Variants in GALNT17 observed in about 807,000 individuals in gnomAD.
GALNT17 encodes the protein UDP-GalNAc:polypeptide N-acetylgalactosaminyltransferase-like 3.
Under a neutral mutation model 63.7 loss-of-function variants are expected in GALNT17, and 29 were observed. That is an observed-to-expected ratio of 0.46 (90% CI 0.34 to 0.62). The LOEUF (loss-of-function observed/expected upper bound fraction) is 0.62. Among genes scored for constraint, GALNT17 ranks in the 20% least tolerant of loss-of-function variants. The pLI is 0.01. For synonymous variants in GALNT17, 305 were observed against 318.3 expected, an observed-to-expected ratio of 0.96 and a Z score of 0.45; for missense variants, 603 against 799.6, an observed-to-expected ratio of 0.75 and a Z score of 2.97.
intron 1 of GALNT17, among the ~76,000 whole-genome samples, chr7:71,178,798 G>T (rs1233261744): frequency 1.3e-5 from 2 of 152,038 alleles, no homozygotes; most frequent in Non-Finnish European, 2.9e-5. Flanking sequence ...ATTCTTGGAC[G>T]TATGTATAAT....
intron 6 of GALNT17, 24 bp downstream of exon 6, chr7:71,571,426 T>C: frequency 6.3e-7 from 1 of 1,592,250 alleles, no homozygotes; most frequent in Non-Finnish European, 8.6e-7. Context: ...TGTCCCTTCC[T>C]CTTGGTGTGC....
intron 6 of GALNT17, among the ~76,000 whole-genome samples, chr7:71,656,657 G>A (rs1443148443): frequency 6.6e-6 from 1 of 152,064 alleles, no homozygotes; most frequent in Non-Finnish European, 1.5e-5. Flanking sequence ...AAGGTGATGA[G>A]GGAGGAGAAA....
chr7:71,364,628 AACCC>A (rs1407652745), intron 2 of GALNT17, among the ~76,000 whole-genome samples: 6 of 152,138 alleles, frequency 3.9e-5, no homozygotes, highest in Non-Finnish European at 8.8e-5. Context: ...GCAATTTTTA[AACCC>A]AGGCATGGAG....
rs527581158 is a variant in GALNT17, at chr7:71,204,398, C to A, written c.238+71358C>A. ...TATTTGAGTCTTTAGTGCTTCTATG[C>A]AAGTTTTAGGATCAATTTTTCTTTT... On this transcript the variant is annotated intron_variant, in intron 1 of 10. Coordinates refer to ENST00000333538, the MANE Select transcript of GALNT17 (RefSeq NM_022479.3). 6.6e-5 allele frequency among the ~76,000 whole-genome samples: 10 copies of A among 152,164 alleles called. No homozygotes were observed. The South Asian group carries it at 2.1e-3, about 32-fold the overall frequency.
intron 1 of GALNT17, among the ~76,000 whole-genome samples, chr7:71,188,773 C>CTCTTCGATTCCATTCGATAATTCCG (rs1455440914): frequency 2.6e-5 from 4 of 152,104 alleles, no homozygotes; most frequent in African/African-American, 9.7e-5. Context: ...ATTGCATTTG[C>CTCTTCGATTCCATTCGATAATTCCG]TTTTGGGTTC....
intron 2 of GALNT17, among the ~76,000 whole-genome samples, chr7:71,341,261 T>C (rs1385574368): frequency 6.6e-6 from 1 of 151,334 alleles, no homozygotes; most frequent in African/African-American, 2.4e-5. Flanking sequence ...TTCTAAAAAG[T>C]AGAAAAAAAG....
chr7:71,558,647 TA>T (rs1308581360), intron 5 of GALNT17, among the ~76,000 whole-genome samples: 1 of 152,210 alleles, frequency 6.6e-6, no homozygotes, highest in Non-Finnish European at 1.5e-5. Flanking sequence ...GACAACAGCT[TA>T]ATGTGTCACC....
intron 9 of GALNT17, among the ~76,000 whole-genome samples, chr7:71,698,085 T>A (rs1376339344): frequency 7.2e-6 from 1 of 138,020 alleles, no homozygotes; most frequent in Non-Finnish European, 1.5e-5. Context: ...ATCACGCCAC[T>A]GCACTCCAGC....
At chr7:71,195,667 C>T (rs1789035074) in intron 1 of GALNT17, among the ~76,000 whole-genome samples, 1 of 147,914 alleles carries the variant, frequency 6.8e-6, no homozygotes, top group African/African-American at 2.5e-5. Context: ...CTCTCCTCAG[C>T]CTCCTAAGTA....
chr7:71,248,925 T>G (rs867831048), intron 1 of GALNT17, among the ~76,000 whole-genome samples: 3 of 152,176 alleles, frequency 2.0e-5, no homozygotes, highest in Admixed American at 2.0e-4. Context: ...TACCATCTTC[T>G]TGCCTCTTCT....
intron 2 of GALNT17, among the ~76,000 whole-genome samples, chr7:71,336,363 T>C (rs544063960): frequency 1.4e-4 from 21 of 152,188 alleles, no homozygotes; most frequent in African/African-American, 5.1e-4. Flanking sequence ...TCTTTTAATG[T>C]TTATTTTATG....
intron 9 of GALNT17, among the ~76,000 whole-genome samples, chr7:71,681,868 A>G (rs1791267252): frequency 6.6e-6 from 1 of 152,020 alleles, no homozygotes; most frequent in Non-Finnish European, 1.5e-5. Flanking sequence ...AAGCAGTTAC[A>G]TTTTGCTTTG....
chr7:71,658,220 T>C (rs1790858371), intron 6 of GALNT17, among the ~76,000 whole-genome samples: 1 of 152,110 alleles, frequency 6.6e-6, no homozygotes, highest in South Asian at 2.1e-4. Flanking sequence ...TGAAAGTGTT[T>C]AGTAAATGAT....
chr7:71,574,005 G>T (rs1481213740), intron 6 of GALNT17, among the ~76,000 whole-genome samples: 2 of 152,172 alleles, frequency 1.3e-5, no homozygotes, highest in Non-Finnish European at 2.9e-5. Context: ...TCTTCTTACA[G>T]CTGTGCAGTA....
chr7:71,412,605 C>G (rs1793450427), intron 3 of GALNT17, among the ~76,000 whole-genome samples: 1 of 152,128 alleles, frequency 6.6e-6, no homozygotes, highest in Non-Finnish European at 1.5e-5. Context: ...CACTCAGTGC[C>G]TGACACCTCT....
Position 71,651,220 on chromosome 7 carries a change from C to CAAAA in GALNT17, c.1081-14173_1081-14170dup, listed in dbSNP as rs71089971. Among the ~76,000 whole-genome samples, 348 of 66,370 alleles carry CAAAA rather than the reference C, an allele frequency of 5.2e-3. 1 individual carries two copies. The highest frequency in any genetic ancestry group is 0.012 in the East Asian group (22 of 1,832). The allele number at this position is 66,370 out of a possible 152,430, so 43.5% of individuals were successfully genotyped here. On this transcript the variant is annotated intron_variant, in intron 6 of 10. Transcript: ENST00000333538. Reference sequence around the variant, plus strand: ...GAGAGGAGAGGAAGGGATGGGAGCACAAAAAAAAAAAAAAAAAAAAAGGAA... The same window carrying CAAAA: ...GAGAGGAGAGGAAGGGATGGGAGCACAAAAAAAAAAAAAAAAAAAAAAAAAGGAA...
chr7:71,677,419 T>A, intron 9 of GALNT17, 113 bp downstream of exon 9: 1 of 1,070,182 alleles, frequency 9.3e-7, no homozygotes, highest in Non-Finnish European at 1.3e-6. Flanking sequence ...AGTTATTTAT[T>A]CTGAGAAAAA....
intron 9 of GALNT17, among the ~76,000 whole-genome samples, chr7:71,701,218 G>A (rs1010236725): frequency 3.3e-5 from 5 of 152,292 alleles, no homozygotes; most frequent in African/African-American, 1.2e-4. Context: ...CGGTCACGAT[G>A]GCTCACGCCT....
chr7:71,434,194 C>T (rs1009325702), intron 5 of GALNT17, among the ~76,000 whole-genome samples: 4 of 152,128 alleles, frequency 2.6e-5, no homozygotes, highest in South Asian at 4.1e-4. Context: ...AGCTTGCAGA[C>T]GGCTTATTGC....
Sources: allele counts gnomAD v4.1 joint callset (sites outside exome capture counted in the v4.1 genomes callset), GRCh38; gene constraint gnomAD v4.1.1; transcripts MANE v1.5; gene names NCBI Gene and HGNC (gene_info 2026-07-23, HGNC 2026-07-21).